Variants in KCNMB2 observed in about 807,000 individuals in gnomAD.
KCNMB2 encodes the protein potassium calcium-activated channel subfamily M regulatory beta subunit 2, also known as calcium-activated potassium channel subunit beta-2.
KCNMB2 carries 9 observed loss-of-function variants against 24.5 expected under a neutral mutation model. The ratio of observed to expected loss-of-function variants is 0.37; its 90% CI spans 0.22 to 0.64. The LOEUF (loss-of-function observed/expected upper bound fraction) is 0.64, where lower values mean the gene tolerates loss of function less well. Ranked by LOEUF, KCNMB2 falls within the 30% of genes least tolerant of loss-of-function variation. The pLI is 0.63. For missense variants in KCNMB2, 226 were observed against 284.3 expected (o/e 0.79, Z 1.47); for synonymous variants, 109 against 104.4 (o/e 1.04, Z -0.27).
At chr3:178,554,012 A>C (rs1716043289) in intron 1 of KCNMB2, among the ~76,000 whole-genome samples, 1 of 152,188 alleles carries the variant, frequency 6.6e-6, no homozygotes, top group Non-Finnish European at 1.5e-5. Context: ...AATAGCTAAC[A>C]TTTATTGATT....
chr3:178,659,187 G>A (rs947585197), intron 1 of KCNMB2, among the ~76,000 whole-genome samples: 5 of 152,234 alleles, frequency 3.3e-5, no homozygotes, highest in African/African-American at 1.2e-4. Context: ...CAGAATGGAG[G>A]CCAGATCCGA....
intron 1 of KCNMB2, among the ~76,000 whole-genome samples, chr3:178,588,727 T>C (rs1046570260): frequency 1.3e-5 from 2 of 152,170 alleles, no homozygotes; most frequent in African/African-American, 4.8e-5. Context: ...GGGAGGTAGC[T>C]ATTACGACTT....
chr3:178,794,217 T>A (rs1713440845), intron 1 of KCNMB2, among the ~76,000 whole-genome samples: 1 of 152,140 alleles, frequency 6.6e-6, no homozygotes, highest in Non-Finnish European at 1.5e-5. Flanking sequence ...TCTGTCCTGA[T>A]GTCTGGGTCA....
Position 178,666,461 on chromosome 3 carries a change from A to G in KCNMB2, c.-68+129750A>G, listed in dbSNP as rs80310685. 7.2e-5 allele frequency among the ~76,000 whole-genome samples: 11 copies of G among 152,276 alleles called. No individual in the cohort carries two copies. The East Asian group carries it at 2.1e-3, about 29-fold the overall frequency. On this transcript the variant is annotated intron_variant, in intron 1 of 4. Coordinates refer to ENST00000452583, the MANE Select transcript of KCNMB2 (RefSeq NM_181361.3). ...AAAATTAATGAAATAAACCTACCAA[A>G]AATTGTAGCTATTGCCAATCCAGAG...
At chr3:178,617,527 C>T (rs1358038315) in intron 1 of KCNMB2, among the ~76,000 whole-genome samples, 1 of 150,008 alleles carries the variant, frequency 6.7e-6, no homozygotes, top group Non-Finnish European at 1.5e-5. Flanking sequence ...GACTCCATCT[C>T]AAAAAAATAA....
chr3:178,556,339 C>T (rs1014118537), intron 1 of KCNMB2, among the ~76,000 whole-genome samples: 1 of 152,152 alleles, frequency 6.6e-6, no homozygotes, highest in African/African-American at 2.4e-5. Flanking sequence ...AATTTAATGG[C>T]AACTAGTGTA....
At chr3:178,545,539 A>G (rs763573085) in intron 1 of KCNMB2, among the ~76,000 whole-genome samples, 2 of 152,262 alleles carry the variant, frequency 1.3e-5, no homozygotes, top group Non-Finnish European at 2.9e-5. Context: ...TCAGATGCAG[A>G]GAATCATTCC....
chr3:178,810,377 C>T (rs1219570405), intron 2 of KCNMB2, among the ~76,000 whole-genome samples: 1 of 152,158 alleles, frequency 6.6e-6, no homozygotes, highest in Non-Finnish European at 1.5e-5. Flanking sequence ...AGCTGCTCTC[C>T]ACACCTCCTC....
intron 4 of KCNMB2, 26 bp from the exon 5 acceptor site, chr3:178,842,627 G>A (rs1364848681): frequency 6.7e-7 from 1 of 1,503,350 alleles, no homozygotes; most frequent in Non-Finnish European, 9.2e-7. Context: ...GTATCTTCTA[G>A]TAACAGTTTA....
intron 1 of KCNMB2, among the ~76,000 whole-genome samples, chr3:178,612,255 C>T (rs569934498): frequency 6.6e-6 from 1 of 152,270 alleles, no homozygotes; most frequent in South Asian, 2.1e-4. Context: ...CTGTAAATAT[C>T]TATTAGATCC....
At chr3:178,590,597 G>A (rs1717629796) in intron 1 of KCNMB2, among the ~76,000 whole-genome samples, 1 of 152,184 alleles carries the variant, frequency 6.6e-6, no homozygotes, top group Non-Finnish European at 1.5e-5. Flanking sequence ...TTCTCCAAGA[G>A]CTGTATGCAT....
intron 1 of KCNMB2, among the ~76,000 whole-genome samples, chr3:178,574,052 G>T (rs2108481056): frequency 6.6e-6 from 1 of 152,228 alleles, no homozygotes; most frequent in African/African-American, 2.4e-5. Context: ...ATGTTCTAAT[G>T]TTAGATTATT....
At chr3:178,611,690 G>T (rs2108516796) in intron 1 of KCNMB2, among the ~76,000 whole-genome samples, 1 of 152,072 alleles carries the variant, frequency 6.6e-6, no homozygotes, top group East Asian at 1.9e-4. Context: ...GGGAGACAGA[G>T]CGAGACTCTG....
At chr3:178,563,412 G>A (rs1027722977) in intron 1 of KCNMB2, among the ~76,000 whole-genome samples, 5 of 152,154 alleles carry the variant, frequency 3.3e-5, no homozygotes, top group African/African-American at 1.2e-4. Context: ...TTCATGAGAT[G>A]GTTATGAGAC....
chr3:178,804,610 A>C (rs546671170), intron 1 of KCNMB2, among the ~76,000 whole-genome samples: 1 of 152,356 alleles, frequency 6.6e-6, no homozygotes, highest in East Asian at 1.9e-4. Flanking sequence ...CAAAGATACA[A>C]TGCTGGAATA....
chr3:178,666,808 C>G (rs185549413), intron 1 of KCNMB2, among the ~76,000 whole-genome samples: 88 of 152,206 alleles, frequency 5.8e-4, no homozygotes, highest in African/African-American at 1.9e-3. Context: ...TGTATCCCCC[C>G]ATCCAAAGTT....
intron 1 of KCNMB2, among the ~76,000 whole-genome samples, chr3:178,747,784 T>C (rs1004254854): frequency 6.6e-6 from 1 of 152,238 alleles, no homozygotes; most frequent in African/African-American, 2.4e-5. Context: ...TTCTACCTCA[T>C]GTTTCACTCT....
intron 1 of KCNMB2, among the ~76,000 whole-genome samples, chr3:178,689,015 T>C (rs188601861): frequency 4.5e-4 from 68 of 152,322 alleles, no homozygotes; most frequent in Admixed American, 2.1e-3. Context: ...ACTAAACTTA[T>C]CATCAGTTTT....
chr3:178,810,389 T>C (rs1714138510), intron 2 of KCNMB2, among the ~76,000 whole-genome samples: 1 of 152,118 alleles, frequency 6.6e-6, no homozygotes, highest in Non-Finnish European at 1.5e-5. Flanking sequence ...CACCTCCTCT[T>C]CCTGAGAACA....
Sources: allele counts gnomAD v4.1 joint callset (sites outside exome capture counted in the v4.1 genomes callset), GRCh38; gene constraint gnomAD v4.1.1; transcripts MANE v1.5; gene names NCBI Gene and HGNC (gene_info 2026-07-23, HGNC 2026-07-21).